CSNK1D: variants seen among roughly 807,000 people sequenced by gnomAD.
CSNK1D encodes casein kinase 1 delta, also known as casein kinase I isoform delta.
A neutral mutation model predicts 46.6 loss-of-function variants in CSNK1D; 16 were observed. The observed-to-expected ratio is 0.34, with a 90% CI of 0.23 to 0.52. The LOEUF (loss-of-function observed/expected upper bound fraction) is 0.52, where lower values mean the gene tolerates loss of function less well. Ranked by LOEUF, CSNK1D falls within the 20% of genes least tolerant of loss-of-function variation. The probability of loss-of-function intolerance (pLI) is 0.95; values close to 1 mark genes in which losing one functional copy is unlikely to be tolerated. For missense variants in CSNK1D, 398 were observed against 578.4 expected (o/e 0.69, Z 3.20); for synonymous variants, 276 against 228.2 (o/e 1.21, Z -1.89).
chr17:82,246,004 C>CA (rs2050841470), intron 8 of CSNK1D: 1 of 1,610,162 alleles, frequency 6.2e-7, no homozygotes, highest in East Asian at 2.2e-5. Context: ...GGGAGACGAG[C>CA]AGCTACTTGC....
chr17:82,267,640 G>A (rs1473756330), intron 1 of CSNK1D, among the ~76,000 whole-genome samples: 2 of 152,204 alleles, frequency 1.3e-5, no homozygotes, highest in Admixed American at 1.3e-4. Context: ...AATTACAAGA[G>A]AAATGACTTC....
At chr17:82,272,799 A>C (rs373324551) in intron 1 of CSNK1D, among the ~76,000 whole-genome samples, 1 of 152,194 alleles carries the variant, frequency 6.6e-6, no homozygotes, top group African/African-American at 2.4e-5. Context: ...CGGGCTGCGG[A>C]AGAAAGAGCG....
Position 82,273,581 on chromosome 17 carries a change from G to C in CSNK1D, c.-200C>G, listed in dbSNP as rs958238729. On this transcript the variant is annotated 5_prime_UTR_variant, in exon 1 of 9. Transcript: ENST00000314028. This position sits in a 1 kb window ranked among gnomAD's most constrained non-coding sequence, Gnocchi z 5.1. ...GGGCGGATGGGACAGTCCGAGCGCC[G>C]CCGCCGCTGCTCCGGCCCCTACCGG... is the stretch of plus-strand genomic sequence containing the variant. 1.6e-6 allele frequency: 1 copy of C among 617,454 alleles called. No homozygotes were observed. The highest frequency in any genetic ancestry group is 2.7e-6 in the Non-Finnish European group (1 of 364,502). The allele number at this position is 617,454 out of a possible 1,614,324, so 38.2% of individuals were successfully genotyped here. A position where few individuals can be genotyped will look rare whatever the true frequency, so the allele number is the denominator to read the frequency against.
In CSNK1D at chr17:82,243,087, C is replaced by T. The variant is rs1465899622; in HGVS notation, c.*1694G>A. The T allele has an allele frequency of 4.1e-6, 4 of 985,484 alleles. No homozygotes were observed. Among genetic ancestry groups the T allele is most frequent in the Non-Finnish European group, 4.8e-6 (4 of 829,958 alleles). The allele number at this position is 985,484 out of a possible 1,614,324, so 61.0% of individuals were successfully genotyped here. A position where few individuals can be genotyped will look rare whatever the true frequency, so the allele number is the denominator to read the frequency against. ...CAACCTCCCTCTGTACTTCAACACA[C>T]AGCTCCCACCCGCTCAAGGCCCCGT... On this transcript the variant is annotated 3_prime_UTR_variant, in exon 9 of 9. Transcript: ENST00000314028.
At chr17:82,267,321 T>C (rs979899234) in intron 1 of CSNK1D, among the ~76,000 whole-genome samples, 1 of 152,168 alleles carries the variant, frequency 6.6e-6, no homozygotes, top group African/African-American at 2.4e-5. Flanking sequence ...TACTGCTCTT[T>C]AAGATAAGGT....
Position 82,255,386 on chromosome 17 carries a change from TCA to T in CSNK1D, c.336+41_336+42del. Reference sequence around the variant, plus strand: ...CAGCACAAGCGAGTGGCTGATTCTATCAGACAGCAAGTGTGTGCCAACTGTCA... The same window carrying T: ...CAGCACAAGCGAGTGGCTGATTCTATGACAGCAAGTGTGTGCCAACTGTCA... On this transcript the variant is annotated intron_variant, in intron 3 of 8. Transcript: ENST00000314028. The surrounding 1 kb of genome is among the most constrained non-coding windows in gnomAD (Gnocchi z 5.9). 1 of 1,610,924 alleles carries T rather than the reference TCA, an allele frequency of 6.2e-7. No individual in the cohort carries two copies. Among genetic ancestry groups the T allele is most frequent in the Non-Finnish European group, 8.5e-7 (1 of 1,177,120 alleles).
Position 82,249,587 on chromosome 17 carries a change from C to T in CSNK1D, c.901G>A (p.Ala301Thr), listed in dbSNP as rs200574246. ...CTGCGCTCCCGCTCGGCGTCATCGG[C>T]GGCCCGGCTGGCACCCTGAGGAGGC... Reference protein sequence around the residue: ...NMLKFGASRAADDAERERRDR... With the variant: ...NMLKFGASRATDDAERERRDR... The change falls in exon 7 of 9, where the codon GCC becomes ACC. Residue 301 changes from alanine (A) to threonine (T), a missense_variant. This residue lies in a region of CSNK1D where 181 missense variants were observed against 208.0 expected (regional missense o/e 0.87). Transcript: ENST00000314028. This position sits in a 1 kb window ranked among gnomAD's most constrained non-coding sequence, Gnocchi z 6.7. 16 of 1,559,592 alleles carry T rather than the reference C, an allele frequency of 1.0e-5. No individual in the cohort carries two copies. In the East Asian group the frequency reaches 2.1e-4, roughly 20 times the overall value.
In CSNK1D at chr17:82,250,220, G is replaced by A. The variant is rs1170240688; in HGVS notation, c.886-618C>T. ...TTCTAACTGCCAATGCTGTGCGGCA[G>A]GGGCCTGCAAACTACAGCCCCGGGG... On this transcript the variant is annotated intron_variant, in intron 6 of 8. Coordinates refer to ENST00000314028, the MANE Select transcript of CSNK1D (RefSeq NM_001893.6). The surrounding 1 kb of genome is among the most constrained non-coding windows in gnomAD (Gnocchi z 4.6). The A allele has an allele frequency of 7.8e-7, 1 of 1,289,780 alleles. No homozygotes were observed. The highest frequency in any genetic ancestry group is 1.0e-6 in the Non-Finnish European group (1 of 988,794). 79.9% of individuals were successfully genotyped at this position (1,289,780 alleles called of 1,614,324 possible).
Position 82,248,766 on chromosome 17 carries a change from A to G in CSNK1D, c.1197+109T>C. ...ACCCTGGCGAGATTAAAAACTCTCA[A>G]AAATGGGGGGAAGAAAGGAAAGAAG... On this transcript the variant is annotated intron_variant, in intron 8 of 8. Transcript: ENST00000314028. The surrounding 1 kb of genome is among the most constrained non-coding windows in gnomAD (Gnocchi z 4.1). 1.3e-6 allele frequency: 2 copies of G among 1,527,422 alleles called. No individual in the cohort carries two copies. The highest frequency in any genetic ancestry group is 1.8e-6 in the Non-Finnish European group (2 of 1,139,708). 94.6% of individuals were successfully genotyped at this position (1,527,422 alleles called of 1,614,324 possible). A position where few individuals can be genotyped will look rare whatever the true frequency, so the allele number is the denominator to read the frequency against.
At position 82,252,759 on chromosome 17, in the gene CSNK1D, A is replaced by G. The variant is rs1273426250; in HGVS notation, c.566-155T>C. On this transcript the variant is annotated intron_variant, in intron 4 of 8. Transcript: ENST00000314028. This position sits in a 1 kb window ranked among gnomAD's most constrained non-coding sequence, Gnocchi z 4.6. ...CAGTGGAGACGAACCTCGGACACAC[A>G]TGCCCAGATCACTCTCACCCAGAGC... Among the ~76,000 whole-genome samples, 1 of 151,932 alleles carries G rather than the reference A, an allele frequency of 6.6e-6. No individual in the cohort carries two copies. Among genetic ancestry groups the G allele is most frequent in the Non-Finnish European group, 1.5e-5 (1 of 68,038 alleles).
Position 82,242,800 on chromosome 17 carries a change from C to CACGGGGCGACGGGGACTAGAT in CSNK1D, c.*1960_*1980dup, listed in dbSNP as rs1356459745. Reference sequence around the variant, plus strand: ...CACGACGTCCTACCTACGTCTCCTGCACGGGGCGACGGGGACTAGATACTG... The same window carrying CACGGGGCGACGGGGACTAGAT: ...CACGACGTCCTACCTACGTCTCCTGCACGGGGCGACGGGGACTAGATACGGGGCGACGGGGACTAGATACTG... On this transcript the variant is annotated 3_prime_UTR_variant, in exon 9 of 9. Coordinates refer to ENST00000314028, the MANE Select transcript of CSNK1D (RefSeq NM_001893.6). 2.6e-4 allele frequency: 255 copies of CACGGGGCGACGGGGACTAGAT among 985,500 alleles called. No homozygotes were observed. Among genetic ancestry groups the CACGGGGCGACGGGGACTAGAT allele is most frequent in the Middle Eastern group, 5.2e-4 (1 of 1,914 alleles). The allele number at this position is 985,500 out of a possible 1,614,324, so 61.0% of individuals were successfully genotyped here. A position where few individuals can be genotyped will look rare whatever the true frequency, so the allele number is the denominator to read the frequency against.
At position 82,244,150 on chromosome 17, in the gene CSNK1D, A is replaced by C. The variant is rs996577697; in HGVS notation, c.*631T>G. 5 of 1,007,116 alleles carry C rather than the reference A, an allele frequency of 5.0e-6. No individual in the cohort carries two copies. The highest frequency in any genetic ancestry group is 5.9e-6 in the Non-Finnish European group (5 of 841,556). The allele number at this position is 1,007,116 out of a possible 1,614,324, so 62.4% of individuals were successfully genotyped here. A position where few individuals can be genotyped will look rare whatever the true frequency, so the allele number is the denominator to read the frequency against. On this transcript the variant is annotated 3_prime_UTR_variant, in exon 9 of 9. Transcript: ENST00000314028. Reference sequence around the variant, plus strand: ...CCACCACACACGGGCACACACACACACCACGGACTTTTGATGAGAAATCTC... The same window carrying C: ...CCACCACACACGGGCACACACACACCCCACGGACTTTTGATGAGAAATCTC...
intron 8 of CSNK1D, chr17:82,245,558 A>G: frequency 3.7e-6 from 1 of 272,088 alleles, no homozygotes; most frequent in Non-Finnish European, 7.2e-6. Context: ...CCCAACACCA[A>G]GCGTGGAGCC....
At chr17:82,254,773 C>T (rs1323595976) in intron 3 of CSNK1D, 8 of 254,974 alleles carry the variant, frequency 3.1e-5, no homozygotes, top group South Asian at 2.1e-4. Context: ...TGCGGTGAGC[C>T]ACCGGAGCCT....
intron 8 of CSNK1D, chr17:82,245,667 C>T (rs1267090390): frequency 7.4e-6 from 3 of 407,146 alleles, no homozygotes; most frequent in Non-Finnish European, 9.3e-6. Context: ...TCCTGCCTCA[C>T]GGGTGGGCAC....
Position 82,249,729 on chromosome 17 carries a change from G to A in CSNK1D, c.886-127C>T. 1 of 1,513,252 alleles carries A rather than the reference G, an allele frequency of 6.6e-7. No individual in the cohort carries two copies. Among genetic ancestry groups the A allele is most frequent in the Non-Finnish European group, 8.8e-7 (1 of 1,134,072 alleles). 93.7% of individuals were successfully genotyped at this position (1,513,252 alleles called of 1,614,324 possible). On this transcript the variant is annotated intron_variant, in intron 6 of 8. Coordinates refer to ENST00000314028, the MANE Select transcript of CSNK1D (RefSeq NM_001893.6). This position sits in a 1 kb window ranked among gnomAD's most constrained non-coding sequence, Gnocchi z 6.7. ...GCACTGGGACGAGACTGCCTGCAAA[G>A]CCCCCCACAGGCTGCACGTTTCTCC...
rs1004041864 is a variant in CSNK1D at position 82,252,933 on chromosome 17, C to T, written c.565+83G>A. Reference sequence around the variant, plus strand: ...TGACACGCTTGCAGCCCCAGCTCCCCGAGAGGCTGGCCTCTCCCTGGGCTG... The same window carrying T: ...TGACACGCTTGCAGCCCCAGCTCCCTGAGAGGCTGGCCTCTCCCTGGGCTG... On this transcript the variant is annotated intron_variant, in intron 4 of 8. Transcript: ENST00000314028. This position sits in a 1 kb window ranked among gnomAD's most constrained non-coding sequence, Gnocchi z 4.6. The T allele has an allele frequency of 1.3e-5, 17 of 1,293,124 alleles. No homozygotes were observed. The highest frequency in any genetic ancestry group is 3.7e-5 in the South Asian group (3 of 81,972). The allele number at this position is 1,293,124 out of a possible 1,614,324, so 80.1% of individuals were successfully genotyped here.
At position 82,255,795 on chromosome 17, in the gene CSNK1D, C is replaced by T. The variant is rs959396720; in HGVS notation, c.188-218G>A. On this transcript the variant is annotated intron_variant, in intron 2 of 8. Coordinates refer to ENST00000314028, the MANE Select transcript of CSNK1D (RefSeq NM_001893.6). This position sits in a 1 kb window ranked among gnomAD's most constrained non-coding sequence, Gnocchi z 5.9. Reference sequence around the variant, plus strand: ...CCTGAGGCAGACGTTGGATGAGGGCCAAGCAGACAGGAGCTGTAAGGGGGA... The same window carrying T: ...CCTGAGGCAGACGTTGGATGAGGGCTAAGCAGACAGGAGCTGTAAGGGGGA... Among the ~76,000 whole-genome samples, 2 of 152,180 alleles carry T rather than the reference C, an allele frequency of 1.3e-5. No individual in the cohort carries two copies. The highest frequency in any genetic ancestry group is 1.3e-4 in the Admixed American group (2 of 15,278).
In CSNK1D at chr17:82,249,521, T is replaced by C. The variant is rs765288876; in HGVS notation, c.967A>G (p.Thr323Ala). 1.3e-6 allele frequency: 2 copies of C among 1,544,664 alleles called. No homozygotes were observed. The highest frequency in any genetic ancestry group is 2.0e-5 in the Admixed American group (1 of 51,014). ...GAGGCTGTGGAAGGGAGGCCGCGGG[T>C]AGCCGGGTTCCGCGAGTGTCTCAGC... ...ERLRHSRNPA[T>A]RGLPSTASGR... Residue 323 changes from threonine to alanine, a missense_variant, in exon 7 of 9, where the codon ACC (threonine) becomes GCC (alanine). Physicochemically the swap from Thr to Ala is moderately conservative, Grantham distance 58. Transcript: ENST00000314028. The surrounding 1 kb of genome is among the most constrained non-coding windows in gnomAD (Gnocchi z 6.7).
Sources: gnomAD v4.1 joint callset for allele counts (sites outside exome capture counted in the v4.1 genomes callset) on GRCh38, gnomAD v4.1.1 for gene constraint, gnomAD v4.1.1 regional missense constraint, Gnocchi (gnomAD v3.1) non-coding constraint, MANE v1.5 for transcripts, NCBI Gene and HGNC (gene_info 2026-07-23, HGNC 2026-07-21) for gene names.